KRIT1: variants seen among roughly 807,000 people sequenced by gnomAD.
The protein encoded by KRIT1 is krev interaction trapped protein 1.
Under a neutral mutation model 95.8 loss-of-function variants are expected in KRIT1, and 45 were observed. The observed-to-expected ratio is 0.47, with a 90% CI of 0.37 to 0.60. The LOEUF (loss-of-function observed/expected upper bound fraction) is 0.60. Among genes scored for constraint, KRIT1 ranks in the 20% least tolerant of loss-of-function variants. The probability of loss-of-function intolerance (pLI) is 0.00; values close to 1 mark genes in which losing one functional copy is unlikely to be tolerated. For missense variants in KRIT1, 788 were observed against 877.5 expected, an observed-to-expected ratio of 0.90 and a Z score of 1.29; for synonymous variants, 282 against 278.8, an observed-to-expected ratio of 1.01 and a Z score of -0.11.
In KRIT1 at chr7:92,234,940, A is replaced by G. The variant is rs748993958; in HGVS notation, c.730-17T>C. 19 of 1,173,602 alleles carry G rather than the reference A, an allele frequency of 1.6e-5. No individual in the cohort carries two copies. The highest frequency in any genetic ancestry group is 3.6e-5 in the South Asian group (3 of 82,250). 72.7% of individuals were successfully genotyped at this position (1,173,602 alleles called of 1,614,324 possible). A position where few individuals can be genotyped will look rare whatever the true frequency, so the allele number is the denominator to read the frequency against. On this transcript the variant is annotated splice_polypyrimidine_tract_variant and intron_variant, in intron 8 of 18. Transcript: ENST00000394505. ...TTTATCTACCTAGAAAGGGAAAACA[A>G]TAACAAAAACCCATTAAGAGCTTTG... is the stretch of plus-strand genomic sequence containing the variant.
chr7:92,210,069 T>C (rs1019334775), intron 17 of KRIT1, among the ~76,000 whole-genome samples: 2 of 151,826 alleles, frequency 1.3e-5, no homozygotes, highest in South Asian at 2.1e-4. Context: ...CAAGACTCTA[T>C]CTCAAAATCA....
Position 92,213,296 on chromosome 7 carries a change from C to T in KRIT1, c.1924G>A (p.Gly642Arg), listed in dbSNP as rs570772917. 1 of 1,613,328 alleles carries T rather than the reference C, an allele frequency of 6.2e-7. No homozygotes were observed. Among genetic ancestry groups the T allele is most frequent in the African/African-American group, 1.3e-5 (1 of 75,004 alleles). Reference protein sequence around the residue: ...IPTYGAAFFTGQIFTKASPSN... With the variant: ...IPTYGAAFFTRQIFTKASPSN... ...GGGCTTGCCTTTGTAAATATCTGTCCTGTGAAAAATGCTGCTCCATAAGTA... is the reference window on the plus strand; with the variant it reads ...GGGCTTGCCTTTGTAAATATCTGTCTTGTGAAAAATGCTGCTCCATAAGTA... Residue 642 changes from glycine (G) to arginine (R), a missense_variant, in exon 17 of 19, where the codon GGA becomes AGA. Physicochemically the swap from Gly to Arg is moderately radical, Grantham distance 125. Coordinates refer to ENST00000394505, the MANE Select transcript of KRIT1 (RefSeq NM_194454.3).
chr7:92,235,939 A>G, intron 7 of KRIT1: 1 of 273,908 alleles, frequency 3.7e-6, no homozygotes, highest in Non-Finnish European at 7.0e-6. Context: ...ATTTATTAAT[A>G]AAAGTTTTGT....
chr7:92,216,206 G>A (rs1202815557), intron 14 of KRIT1, among the ~76,000 whole-genome samples: 1 of 146,466 alleles, frequency 6.8e-6, no homozygotes, highest in Non-Finnish European at 1.5e-5. Context: ...TCCAGCCTGG[G>A]TGACAGAAAG....
chr7:92,234,266 G>A (rs1797928845), intron 10 of KRIT1, among the ~76,000 whole-genome samples, 183 bp downstream of exon 10: 1 of 152,042 alleles, frequency 6.6e-6, no homozygotes, highest in African/African-American at 2.4e-5. Context: ...TTCCCCATAG[G>A]GCAGACCTTA....
intron 7 of KRIT1, 194 bp downstream of exon 7, chr7:92,236,219 A>G (rs1411191579): frequency 4.1e-6 from 2 of 492,464 alleles, no homozygotes; most frequent in Admixed American, 6.8e-5. Context: ...TAAAATTAAC[A>G]TGCTGTACCC....
intron 5 of KRIT1, among the ~76,000 whole-genome samples, chr7:92,240,572 C>G (rs576684334): frequency 6.6e-6 from 1 of 152,150 alleles, no homozygotes; most frequent in Non-Finnish European, 1.5e-5. Context: ...TTCAGTTTGA[C>G]TTTCTGAAAA....
chr7:92,214,765 G>A lies in KRIT1; in HGVS notation c.1576C>T (p.Leu526=), dbSNP rs1391669734. 3.8e-6 allele frequency: 6 copies of A among 1,599,932 alleles called. No individual in the cohort carries two copies. Among genetic ancestry groups the A allele is most frequent in the South Asian group, 1.1e-5 (1 of 90,696 alleles). Residue 526 remains leucine, a synonymous_variant, in exon 15 of 19, where the codon CTA becomes TTA. Transcript: ENST00000394505. ...TCATCAAAGAGAATAAGAATAGCTA[G>A]TGGGTCTTCAATCTTAAAGGAAAAA... The part of the protein sequence containing the change: ...LEVEKQIEDP[L]AILILFDEAR...
chr7:92,225,851 GA>G (rs758386795), intron 11 of KRIT1, 24 bp from the exon 12 acceptor site: 29 of 1,198,088 alleles, frequency 2.4e-5, no homozygotes, highest in Admixed American at 8.6e-5. Context: ...TGGGGAGGGG[GA>G]AAAAAGGCAT....
At chr7:92,240,889 A>G in intron 5 of KRIT1, 104 bp downstream of exon 5, 2 of 939,418 alleles carry the variant, frequency 2.1e-6, no homozygotes, top group South Asian at 2.8e-5. Flanking sequence ...TGTTAAATGT[A>G]AAGGAACATA....
Position 92,217,817 on chromosome 7 carries a change from G to A in KRIT1, c.1564-3040C>T, listed in dbSNP as rs536674330. ...GGATCATACAGTAATTCTATTTTTA[G>A]ATTTTTGAAGAACCACTGTTTTCCA... On this transcript the variant is annotated intron_variant, in intron 14 of 18. Coordinates refer to ENST00000394505, the MANE Select transcript of KRIT1 (RefSeq NM_194454.3). Among the ~76,000 whole-genome samples, 76 of 152,172 alleles carry A rather than the reference G, an allele frequency of 5.0e-4. No homozygotes were observed. The South Asian group carries it at 6.7e-3, about 13-fold the overall frequency.
intron 1 of KRIT1, 136 bp from the exon 2 acceptor site, chr7:92,245,307 C>T (rs1800673390): frequency 6.6e-6 from 1 of 151,994 alleles, no homozygotes; most frequent in African/African-American, 2.4e-5. Context: ...TTTTTTCCTG[C>T]GCCACCACCC....
intron 3 of KRIT1, among the ~76,000 whole-genome samples, chr7:92,242,930 G>C (rs1024930022): frequency 6.6e-6 from 1 of 152,100 alleles, no homozygotes; most frequent in South Asian, 2.1e-4. Flanking sequence ...TCTCCCTCCT[G>C]CCTCAGCCTC....
At chr7:92,214,328 T>C (rs1793496421) in intron 15 of KRIT1, among the ~76,000 whole-genome samples, 1 of 152,132 alleles carries the variant, frequency 6.6e-6, no homozygotes, top group African/African-American at 2.4e-5. Context: ...TAAAATGTTT[T>C]ACTACTTATT....
intron 14 of KRIT1, among the ~76,000 whole-genome samples, chr7:92,215,825 T>C (rs1291375761): frequency 6.6e-6 from 1 of 151,994 alleles, no homozygotes; most frequent in Non-Finnish European, 1.5e-5. Flanking sequence ...TGAGAAATCC[T>C]AGCCTACAGA....
intron 17 of KRIT1, among the ~76,000 whole-genome samples, chr7:92,211,734 C>T (rs1792886059): frequency 6.6e-6 from 1 of 152,030 alleles, no homozygotes; most frequent in Non-Finnish European, 1.5e-5. Flanking sequence ...TTGATCATTA[C>T]ATATTATATG....
intron 17 of KRIT1, among the ~76,000 whole-genome samples, chr7:92,211,975 C>T (rs562324789): frequency 1.3e-4 from 19 of 151,440 alleles, no homozygotes; most frequent in Admixed American, 2.6e-4. Flanking sequence ...CATGGTGTTA[C>T]GTGCCTATAG....
rs1038142250 is a variant in KRIT1, at chr7:92,245,888, T to C, written c.-519A>G. On this transcript the variant is annotated 5_prime_UTR_variant, in exon 1 of 19. Transcript: ENST00000394505. ...GTCCCAGGTCTTCAAAGGCCTTAGCTTTCCACCCCGCCGTTACCGTGGCTA... is the reference window on the plus strand; with the variant it reads ...GTCCCAGGTCTTCAAAGGCCTTAGCCTTCCACCCCGCCGTTACCGTGGCTA... 4 of 233,210 alleles carry C rather than the reference T, an allele frequency of 1.7e-5. No individual in the cohort carries two copies. The highest frequency in any genetic ancestry group is 2.4e-5 in the African/African-American group (1 of 41,776). The allele number at this position is 233,210 out of a possible 1,614,324, so 14.4% of individuals were successfully genotyped here.
chr7:92,237,294 C>T (rs1798628442), intron 6 of KRIT1, among the ~76,000 whole-genome samples: 1 of 152,044 alleles, frequency 6.6e-6, no homozygotes, highest in Non-Finnish European at 1.5e-5. Context: ...GTCCCAAATA[C>T]AAGATAGGTT....
Sources: allele counts gnomAD v4.1 joint callset (sites outside exome capture counted in the v4.1 genomes callset), GRCh38; gene constraint gnomAD v4.1.1; transcripts MANE v1.5; gene names NCBI Gene and HGNC (gene_info 2026-07-23, HGNC 2026-07-21).